PLXNA4: variants seen among roughly 807,000 people sequenced by gnomAD.
PLXNA4 encodes the protein plexin-A4.
In PLXNA4, 44 loss-of-function variants were observed where a neutral mutation model predicts 191.8. That is an observed-to-expected ratio of 0.23 (90% CI 0.18 to 0.29). The LOEUF (loss-of-function observed/expected upper bound fraction) is 0.29, where lower values mean the gene tolerates loss of function less well. Ranked by LOEUF, PLXNA4 falls within the 10% of genes least tolerant of loss-of-function variation. The probability of loss-of-function intolerance (pLI) is 1.00; values close to 1 mark genes in which losing one functional copy is unlikely to be tolerated. For synonymous variants in PLXNA4, 1,082 were observed against 1,009.5 expected, an observed-to-expected ratio of 1.07 and a Z score of -1.36; for missense variants, 1,800 against 2,488.8, an observed-to-expected ratio of 0.72 and a Z score of 5.89.
intron 4 of PLXNA4, among the ~76,000 whole-genome samples, chr7:132,279,798 G>T (rs1800411092): frequency 6.6e-6 from 1 of 152,168 alleles, no homozygotes; most frequent in Admixed American, 6.5e-5. Flanking sequence ...AAGTTGTTGA[G>T]ATAGAGAAAT....
intron 2 of PLXNA4, among the ~76,000 whole-genome samples, chr7:132,611,817 A>T (rs1803051600): frequency 6.6e-6 from 1 of 152,188 alleles, no homozygotes; most frequent in Admixed American, 6.5e-5. Context: ...AAAGAGATGC[A>T]GCTGCATATT....
chr7:132,464,787 A>T (rs917069035), intron 3 of PLXNA4, among the ~76,000 whole-genome samples: 1 of 152,182 alleles, frequency 6.6e-6, no homozygotes, highest in African/African-American at 2.4e-5. Flanking sequence ...TGGTGTAGGC[A>T]TTCTATGGCG....
intron 3 of PLXNA4, among the ~76,000 whole-genome samples, chr7:132,316,021 G>T (rs1477651155): frequency 6.6e-6 from 1 of 152,182 alleles, no homozygotes; most frequent in Admixed American, 6.5e-5. Context: ...ATGTTTCCAG[G>T]ATGGGGGAAC....
At chr7:132,503,005 G>A (rs187577053) in intron 2 of PLXNA4, among the ~76,000 whole-genome samples, 185 of 152,306 alleles carry the variant, frequency 1.2e-3, no homozygotes, top group Non-Finnish European at 2.5e-3. Context: ...CAGGGAGATT[G>A]AGAAGCTGAT....
chr7:132,523,807 A>G (rs1436805710), intron 1 of PLXNA4, among the ~76,000 whole-genome samples: 1 of 151,834 alleles, frequency 6.6e-6, no homozygotes, highest in Non-Finnish European at 1.5e-5. Flanking sequence ...ACTTAGTCAC[A>G]CCTCCTTGAT....
intron 1 of PLXNA4, among the ~76,000 whole-genome samples, chr7:132,519,634 G>A (rs959005764): frequency 6.6e-6 from 1 of 152,192 alleles, no homozygotes; most frequent in African/African-American, 2.4e-5. Context: ...TAGCTGCTCT[G>A]GCCTGGCCCC....
At chr7:132,354,039 C>T (rs1219141712) in intron 3 of PLXNA4, among the ~76,000 whole-genome samples, 1 of 152,170 alleles carries the variant, frequency 6.6e-6, no homozygotes, top group African/African-American at 2.4e-5. Flanking sequence ...CAGAGAGTTC[C>T]ACATCAGTAA....
At chr7:132,432,683 C>A (rs1248131891) in intron 3 of PLXNA4, among the ~76,000 whole-genome samples, 1 of 152,102 alleles carries the variant, frequency 6.6e-6, no homozygotes, top group Non-Finnish European at 1.5e-5. Context: ...CTTAAGAAAA[C>A]AGTATTGCTA....
chr7:132,294,293 G>A (rs1429706081), intron 4 of PLXNA4, among the ~76,000 whole-genome samples: 1 of 152,184 alleles, frequency 6.6e-6, no homozygotes, highest in Non-Finnish European at 1.5e-5. Flanking sequence ...TATTGCAGGA[G>A]CATCACAGAG....
At chr7:132,273,535 C>T (rs74587224) in intron 4 of PLXNA4, among the ~76,000 whole-genome samples, 9,065 of 152,212 alleles carry the variant, frequency 0.06, 270 homozygotes, top group Middle Eastern at 0.082. Flanking sequence ...GCAAGATCCT[C>T]ACTTAGTTAT....
At chr7:132,226,748 C>G (rs1226864865) in intron 7 of PLXNA4, among the ~76,000 whole-genome samples, 1 of 152,202 alleles carries the variant, frequency 6.6e-6, no homozygotes, top group Non-Finnish European at 1.5e-5. Context: ...GGGCGGGAGA[C>G]CCTGGAATCC....
intron 4 of PLXNA4, among the ~76,000 whole-genome samples, chr7:132,291,931 A>T (rs1436883432): frequency 6.6e-6 from 1 of 152,144 alleles, no homozygotes; most frequent in Non-Finnish European, 1.5e-5. Context: ...AGTGGTTGGG[A>T]TTACAGGTGC....
At chr7:132,459,932 C>A (rs1168717024) in intron 3 of PLXNA4, among the ~76,000 whole-genome samples, 1 of 152,090 alleles carries the variant, frequency 6.6e-6, no homozygotes, top group Non-Finnish European at 1.5e-5. Context: ...CACCCCGCCC[C>A]TTCTCTTCCC....
At chr7:132,564,027 C>T (rs1160410806) in intron 1 of PLXNA4, among the ~76,000 whole-genome samples, 3 of 29,224 alleles carry the variant, frequency 1.0e-4, no homozygotes, top group Admixed American at 5.0e-4. Flanking sequence ...TCCTTCTCCT[C>T]CTCCTTCTCC....
intron 3 of PLXNA4, among the ~76,000 whole-genome samples, chr7:132,426,059 C>T (rs1018915204): frequency 1.3e-5 from 2 of 152,236 alleles, no homozygotes; most frequent in Non-Finnish European, 2.9e-5. Context: ...TCTGGTTGCT[C>T]CCAGCCTCTG....
chr7:132,453,147 C>T (rs1053193981), intron 3 of PLXNA4, among the ~76,000 whole-genome samples: 2 of 152,130 alleles, frequency 1.3e-5, no homozygotes, highest in Non-Finnish European at 1.5e-5. Context: ...AACAGTTGCC[C>T]ATGAACAAAT....
chr7:132,362,799 GA>G (rs780705143), intron 3 of PLXNA4, among the ~76,000 whole-genome samples: 2 of 152,012 alleles, frequency 1.3e-5, no homozygotes, highest in Admixed American at 6.6e-5. Flanking sequence ...ATAACAACAG[GA>G]AAACTAATGT....
chr7:132,164,389 C>A, intron 23 of PLXNA4, 101 bp from the exon 24 acceptor site: 1 of 1,497,688 alleles, frequency 6.7e-7, no homozygotes, highest in Non-Finnish European at 8.9e-7. Context: ...CCTGCCAAGT[C>A]CCTGCACCTG....
chr7:132,281,163 G>GTGAT (rs1800464608), intron 4 of PLXNA4, among the ~76,000 whole-genome samples: 1 of 152,168 alleles, frequency 6.6e-6, no homozygotes, highest in African/African-American at 2.4e-5. Flanking sequence ...TTAGCACTTA[G>GTGAT]TGATACAAGG....
Sources: gnomAD v4.1 joint callset for allele counts (sites outside exome capture counted in the v4.1 genomes callset) on GRCh38, gnomAD v4.1.1 for gene constraint, MANE v1.5 for transcripts, NCBI Gene and HGNC (gene_info 2026-07-23, HGNC 2026-07-21) for gene names.